Variants in KBTBD12 observed in about 807,000 individuals in gnomAD.
KBTBD12 encodes the protein kelch repeat and BTB domain containing 12.
Under a neutral mutation model 58.7 loss-of-function variants are expected in KBTBD12, and 53 were observed. That is an observed-to-expected ratio of 0.90 (90% CI 0.72 to 1.14). KBTBD12 has a LOEUF of 1.14. Ranked by LOEUF, KBTBD12 falls within the 50% of genes most tolerant of loss-of-function variation. KBTBD12 has a pLI of 0.00. For missense variants in KBTBD12, 704 were observed against 751.3 expected (o/e 0.94, Z 0.74); for synonymous variants, 236 against 259.8 (o/e 0.91, Z 0.88).
At position 127,986,279 on chromosome 3, in the gene KBTBD12, A is replaced by C. The variant is rs1940963210; in HGVS notation, c.*2001A>C. On this transcript the variant is annotated 3_prime_UTR_variant, in exon 6 of 6. Coordinates refer to ENST00000405109, the MANE Select transcript of KBTBD12 (RefSeq NM_207335.4). ...ATGCAGAGTGGGAAGGAAAATATTA[A>C]TACATACTTTATAGGGTTGGTATGA... The C allele has an allele frequency of 1.3e-5, 2 of 152,648 alleles. No individual in the cohort carries two copies. Among genetic ancestry groups the C allele is most frequent in the Admixed American group, 1.3e-4 (2 of 15,290 alleles). The allele number at this position is 152,648 out of a possible 1,614,324, so 9.5% of individuals were successfully genotyped here. A position where few individuals can be genotyped will look rare whatever the true frequency, so the allele number is the denominator to read the frequency against.
chr3:127,964,714 C>G (rs957397378), intron 5 of KBTBD12, among the ~76,000 whole-genome samples: 1 of 151,384 alleles, frequency 6.6e-6, no homozygotes, highest in African/African-American at 2.4e-5. Flanking sequence ...TTGTTTTAAT[C>G]TATTCTAGCA....
intron 5 of KBTBD12, among the ~76,000 whole-genome samples, chr3:127,973,135 G>A (rs2107615098): frequency 6.6e-6 from 1 of 152,258 alleles, no homozygotes; most frequent in African/African-American, 2.4e-5. Context: ...ATATCATTCA[G>A]TATAGAGTCT....
At chr3:127,968,848 C>T (rs1287357436) in intron 5 of KBTBD12, among the ~76,000 whole-genome samples, 1 of 149,916 alleles carries the variant, frequency 6.7e-6, no homozygotes, top group Non-Finnish European at 1.5e-5. Context: ...GGGAAAAAAA[C>T]AGATTATCTC....
chr3:127,977,450 C>A (rs1940802131), intron 5 of KBTBD12, among the ~76,000 whole-genome samples: 1 of 152,240 alleles, frequency 6.6e-6, no homozygotes. Flanking sequence ...ATATTCCCAC[C>A]AGCAGCGTAT....
chr3:127,969,628 G>A (rs1940646630), intron 5 of KBTBD12, among the ~76,000 whole-genome samples: 3 of 152,108 alleles, frequency 2.0e-5, no homozygotes, highest in South Asian at 4.1e-4. Flanking sequence ...AAAACATATC[G>A]ATCAGTAGAA....
Position 127,986,485 on chromosome 3 carries a change from CTTTT to C in KBTBD12, c.*2221_*2224del, listed in dbSNP as rs1230095127. 2.2e-5 allele frequency: 3 copies of C among 138,112 alleles called. No homozygotes were observed. The highest frequency in any genetic ancestry group is 2.1e-4 in the East Asian group (1 of 4,842). The allele number at this position is 138,112 out of a possible 1,614,324, so 8.6% of individuals were successfully genotyped here. ...TGCATATGGCTTGTGACGGTTCTTT[CTTTT>C]TTTTTTTTTTTTTGAGACGGAGTCT... On this transcript the variant is annotated 3_prime_UTR_variant, in exon 6 of 6. Transcript: ENST00000405109.
chr3:127,968,404 A>G (rs1052396443), intron 5 of KBTBD12, among the ~76,000 whole-genome samples: 5 of 152,204 alleles, frequency 3.3e-5, no homozygotes, highest in Non-Finnish European at 7.3e-5. Flanking sequence ...ACAATTCCAA[A>G]CTTACTATTT....
chr3:127,963,075 A>C, intron 4 of KBTBD12, 114 bp from the exon 5 acceptor site: 1 of 917,212 alleles, frequency 1.1e-6, no homozygotes, highest in Non-Finnish European at 1.6e-6. Flanking sequence ...CCTGGCAAGA[A>C]AGAGAAAAGT....
At chr3:127,952,409 G>C (rs1940226764) in intron 4 of KBTBD12, among the ~76,000 whole-genome samples, 1 of 152,110 alleles carries the variant, frequency 6.6e-6, no homozygotes, top group Non-Finnish European at 1.5e-5. Flanking sequence ...AAATTACAGG[G>C]TTTCATGGGT....
chr3:127,924,882 G>A (rs868055593), intron 2 of KBTBD12, among the ~76,000 whole-genome samples: 13 of 152,258 alleles, frequency 8.5e-5, no homozygotes, highest in South Asian at 2.1e-4. Context: ...TATTCAGCCC[G>A]TATTAAATGA....
Position 127,984,182 on chromosome 3 carries a change from G to A in KBTBD12, c.1776G>A (p.Met592Ile), listed in dbSNP as rs367603819. 3 of 1,613,622 alleles carry A rather than the reference G, an allele frequency of 1.9e-6. No individual in the cohort carries two copies. Among genetic ancestry groups the A allele is most frequent in the Non-Finnish European group, 2.5e-6 (3 of 1,179,666 alleles). Residue 592 changes from methionine (M) to isoleucine (I), a missense_variant, in exon 6 of 6, where the codon ATG (methionine) becomes ATA (isoleucine). Met to Ile is a conservative substitution (Grantham distance 10). Coordinates refer to ENST00000405109, the MANE Select transcript of KBTBD12 (RefSeq NM_207335.4). ...ATGTTGTAGCCATCAACGTCCTCATGCATGACAGCTATGATGTCTGCCTAG... is the reference window on the plus strand; with the variant it reads ...ATGTTGTAGCCATCAACGTCCTCATACATGACAGCTATGATGTCTGCCTAG... ...QWNVVAINVLMHDSYDVCLVA... is the reference protein window; with the variant it reads ...QWNVVAINVLIHDSYDVCLVA...
chr3:127,965,759 C>A (rs1336888247), intron 5 of KBTBD12, among the ~76,000 whole-genome samples: 1 of 152,096 alleles, frequency 6.6e-6, no homozygotes, highest in Non-Finnish European at 1.5e-5. Flanking sequence ...TATCTTCAAG[C>A]CCCACTAAAA....
chr3:127,980,995 C>T (rs1211638975), intron 5 of KBTBD12, among the ~76,000 whole-genome samples: 1 of 152,160 alleles, frequency 6.6e-6, no homozygotes, highest in East Asian at 1.9e-4. Flanking sequence ...TTTTGCTGTT[C>T]TTATTTCCAA....
rs3073944 is a variant in KBTBD12, at chr3:127,937,172, AAACAACAACAACAAC to A, written c.1492+6916_1492+6930del. Among the ~76,000 whole-genome samples the A allele has an allele frequency of 4.3e-3, 641 of 150,426 alleles. 4 individuals carry two copies. The highest frequency in any genetic ancestry group is 0.014 in the African/African-American group (572 of 41,020). On this transcript the variant is annotated intron_variant, in intron 4 of 5. Coordinates refer to ENST00000405109, the MANE Select transcript of KBTBD12 (RefSeq NM_207335.4). ...AGAACTGGTGGAAATAATGGCCAGA[AAACAACAACAACAAC>A]AACAACAACAACAACAACAACAACA... is the stretch of plus-strand genomic sequence containing the variant.
At chr3:127,965,847 A>T (rs1365306244) in intron 5 of KBTBD12, among the ~76,000 whole-genome samples, 1 of 152,220 alleles carries the variant, frequency 6.6e-6, no homozygotes, top group East Asian at 1.9e-4. Context: ...TAAAAAGCAG[A>T]TGTATGAGAA....
At chr3:127,957,094 C>A (rs1940334545) in intron 4 of KBTBD12, among the ~76,000 whole-genome samples, 1 of 152,150 alleles carries the variant, frequency 6.6e-6, no homozygotes, top group African/African-American at 2.4e-5. Context: ...GTAATATGTA[C>A]TATCTTTCTT....
chr3:127,962,585 G>A (rs925751219), intron 4 of KBTBD12, among the ~76,000 whole-genome samples: 4 of 152,114 alleles, frequency 2.6e-5, no homozygotes, highest in Non-Finnish European at 5.9e-5. Flanking sequence ...TTAGCACATT[G>A]CCTTACATAT....
chr3:127,949,254 C>T (rs997693691), intron 4 of KBTBD12, among the ~76,000 whole-genome samples: 11 of 152,128 alleles, frequency 7.2e-5, no homozygotes, highest in South Asian at 2.1e-4. Context: ...AATTCTTGGT[C>T]GTTAACATAC....
At chr3:127,945,229 G>GGCT (rs1456745424) in intron 4 of KBTBD12, among the ~76,000 whole-genome samples, 1 of 118,188 alleles carries the variant, frequency 8.5e-6, no homozygotes, top group Non-Finnish European at 1.6e-5. Flanking sequence ...CTGTCGCCCA[G>GGCT]GCTGGAGTGC....
Sources: gnomAD v4.1 joint callset for allele counts (sites outside exome capture counted in the v4.1 genomes callset) on GRCh38, gnomAD v4.1.1 for gene constraint, MANE v1.5 for transcripts, NCBI Gene and HGNC (gene_info 2026-07-23, HGNC 2026-07-21) for gene names.